Variants in CDH13 observed in about 807,000 individuals in gnomAD.
CDH13 encodes the protein cadherin-13.
A neutral mutation model predicts 63.8 loss-of-function variants in CDH13; 24 were observed. That is an observed-to-expected ratio of 0.38 (90% CI 0.27 to 0.53). CDH13 has a LOEUF of 0.53. Among genes scored for constraint, CDH13 ranks in the 20% least tolerant of loss-of-function variants. CDH13 has a pLI of 0.85. For synonymous variants in CDH13, 503 were observed against 355.3 expected, an observed-to-expected ratio of 1.42 and a Z score of -4.67; for missense variants, 1,049 against 903.1, an observed-to-expected ratio of 1.16 and a Z score of -2.07.
At chr16:83,131,443 A>G (rs375292215) in intron 4 of CDH13, among the ~76,000 whole-genome samples, 1 of 152,212 alleles carries the variant, frequency 6.6e-6, no homozygotes. Context: ...GGAGAGGAAC[A>G]TGCAGATCCC....
At chr16:82,808,379 T>C (rs1263790468) in intron 1 of CDH13, among the ~76,000 whole-genome samples, 1 of 152,156 alleles carries the variant, frequency 6.6e-6, no homozygotes, top group Non-Finnish European at 1.5e-5. Flanking sequence ...CAGATATAAT[T>C]TGTGGAGACA....
chr16:82,997,035 GTGATGA>G (rs545023709), intron 2 of CDH13, among the ~76,000 whole-genome samples: 21 of 121,698 alleles, frequency 1.7e-4, no homozygotes, highest in Non-Finnish European at 2.4e-4. Context: ...GGTGATGGTG[GTGATGA>G]TGATGATGAT....
At chr16:82,801,061 TC>T (rs1002460461) in intron 1 of CDH13, among the ~76,000 whole-genome samples, 19 of 152,304 alleles carry the variant, frequency 1.2e-4, no homozygotes, top group African/African-American at 4.6e-4. Context: ...TACAAATTTT[TC>T]AAGTACTCTC....
intron 6 of CDH13, among the ~76,000 whole-genome samples, chr16:83,358,884 T>G (rs2091106236): frequency 2.6e-5 from 4 of 152,162 alleles, no homozygotes. Context: ...GGGAACTTTC[T>G]TAGTGTAGTT....
intron 2 of CDH13, among the ~76,000 whole-genome samples, chr16:83,015,717 A>ATATATATATC (rs2151444640): frequency 7.9e-6 from 1 of 126,286 alleles, no homozygotes; most frequent in African/African-American, 2.9e-5. Flanking sequence ...ATATATATAT[A>ATATATATATC]TATATAAAGA....
chr16:82,756,655 T>C (rs1249794658), intron 1 of CDH13, among the ~76,000 whole-genome samples: 1 of 152,130 alleles, frequency 6.6e-6, no homozygotes, highest in Non-Finnish European at 1.5e-5. Context: ...AATTATAGTA[T>C]TAGCTACTAT....
intron 2 of CDH13, among the ~76,000 whole-genome samples, chr16:82,942,877 G>A (rs1430928006): frequency 1.3e-5 from 2 of 152,132 alleles, no homozygotes; most frequent in Non-Finnish European, 2.9e-5. Flanking sequence ...GCTCAAAGTT[G>A]CTGAGCTATA....
At chr16:83,356,211 C>CGTGTGTGTGTGTGT (rs2091050954) in intron 6 of CDH13, among the ~76,000 whole-genome samples, 1 of 60,722 alleles carries the variant, frequency 1.6e-5, no homozygotes, top group Non-Finnish European at 3.2e-5. Flanking sequence ...TATTTATTTT[C>CGTGTGTGTGTGTGT]ATGTGTGTGT....
At chr16:83,576,845 T>G (rs754788780) in intron 7 of CDH13, among the ~76,000 whole-genome samples, 2 of 152,264 alleles carry the variant, frequency 1.3e-5, no homozygotes, top group Non-Finnish European at 2.9e-5. Flanking sequence ...TGCCTACATT[T>G]TAACTATGTT....
intron 11 of CDH13, among the ~76,000 whole-genome samples, chr16:83,777,498 G>A (rs1398250631): frequency 1.3e-5 from 2 of 152,230 alleles, no homozygotes; most frequent in African/African-American, 4.8e-5. Context: ...GGGGCTTTCT[G>A]CCTGCCCCTC....
intron 1 of CDH13, among the ~76,000 whole-genome samples, chr16:82,794,565 A>G (rs1037162845): frequency 2.0e-5 from 3 of 152,016 alleles, no homozygotes; most frequent in Admixed American, 6.6e-5. Flanking sequence ...CCCATGTAAT[A>G]CCCCGCACAT....
chr16:83,192,262 T>C (rs146074229), intron 4 of CDH13, among the ~76,000 whole-genome samples: 1 of 152,298 alleles, frequency 6.6e-6, no homozygotes, highest in African/African-American at 2.4e-5. Flanking sequence ...TTGACCTTCA[T>C]GCCCACAGTA....
chr16:83,036,947 T>C (rs905879507), intron 3 of CDH13, among the ~76,000 whole-genome samples: 2 of 152,056 alleles, frequency 1.3e-5, no homozygotes, highest in African/African-American at 4.8e-5. Flanking sequence ...AATAAAAGCA[T>C]GGGAACATGT....
At chr16:83,017,642 C>T (rs1301815635) in intron 2 of CDH13, among the ~76,000 whole-genome samples, 1 of 152,120 alleles carries the variant, frequency 6.6e-6, no homozygotes, top group Non-Finnish European at 1.5e-5. Flanking sequence ...GAAAATGCTT[C>T]ATAAATGGTA....
chr16:83,526,485 A>T (rs564348811), intron 7 of CDH13, among the ~76,000 whole-genome samples: 1 of 152,272 alleles, frequency 6.6e-6, no homozygotes, highest in African/African-American at 2.4e-5. Context: ...CCTTGCATGC[A>T]CAGTTCACAA....
At chr16:82,722,237 G>T (rs1213739894) in intron 1 of CDH13, among the ~76,000 whole-genome samples, 2 of 152,126 alleles carry the variant, frequency 1.3e-5, no homozygotes, top group African/African-American at 4.8e-5. Flanking sequence ...AAAGGTCCAG[G>T]GAGTTGAGTT....
At chr16:83,437,521 C>G (rs189393437) in intron 6 of CDH13, among the ~76,000 whole-genome samples, 12 of 151,772 alleles carry the variant, frequency 7.9e-5, no homozygotes, top group African/African-American at 2.7e-4. Flanking sequence ...ACTACAAATA[C>G]AAAAAATTAG....
intron 6 of CDH13, among the ~76,000 whole-genome samples, chr16:83,458,439 T>C (rs2073082742): frequency 6.6e-6 from 1 of 152,192 alleles, no homozygotes; most frequent in African/African-American, 2.4e-5. Context: ...TCTTATATTT[T>C]CCTTTCCTTA....
intron 13 of CDH13, among the ~76,000 whole-genome samples, chr16:83,788,477 A>C (rs1233825253): frequency 1.1e-5 from 1 of 94,838 alleles, no homozygotes; most frequent in African/African-American, 4.7e-5. Flanking sequence ...TTTTTTTTTT[A>C]GATTAAAAAA....
Sources: allele counts gnomAD v4.1 joint callset (sites outside exome capture counted in the v4.1 genomes callset), GRCh38; gene constraint gnomAD v4.1.1; transcripts MANE v1.5; gene names NCBI Gene and HGNC (gene_info 2026-07-23, HGNC 2026-07-21).